The following PSPH variants were observed in gnomAD, a reference collection of about 807,000 sequenced individuals.
PSPH encodes L-3-phosphoserine phosphatase.
A neutral mutation model predicts 23.4 loss-of-function variants in PSPH; 16 were observed. The observed-to-expected ratio is 0.68, with a 90% CI of 0.46 to 1.04. PSPH has a LOEUF of 1.04. Among genes scored for constraint, PSPH ranks in the 50% least tolerant of loss-of-function variants. The pLI is 0.00. For missense variants in PSPH, 223 were observed against 273.7 expected, an observed-to-expected ratio of 0.81 and a Z score of 1.31; for synonymous variants, 68 against 99.7, an observed-to-expected ratio of 0.68 and a Z score of 1.89.
intron 1 of PSPH, among the ~76,000 whole-genome samples, chr7:56,039,122 C>CG (rs1792136662): frequency 7.0e-6 from 1 of 142,804 alleles, no homozygotes; most frequent in Non-Finnish European, 1.5e-5. Flanking sequence ...CATACCCGCC[C>CG]GGGAAACAAG....
In PSPH at chr7:56,015,071, T is replaced by C. The variant is rs1199123097; in HGVS notation, c.522A>G (p.Ile174Met). The change falls in exon 7 of 8, where the codon ATA becomes ATG. Residue 174 changes from isoleucine (I) to methionine (M), a missense_variant. By Grantham distance (10) the Ile-to-Met change is conservative. Transcript: ENST00000275605. ...LLKEKFHFKKIIMIGDGATDM... is the reference protein window; with the variant it reads ...LLKEKFHFKKMIMIGDGATDM... The stretch of plus-strand genomic sequence containing the variant: ...CTGTGGCACCATCTCCAATCATGAT[T>C]ATTTTCTTAAAATGAAATTTTTCCT... The C allele has an allele frequency of 2.5e-6, 4 of 1,614,154 alleles. No homozygotes were observed.
rs1034856827 is a variant in PSPH, at chr7:56,011,926, T to A, written c.571-57A>T. The A allele has an allele frequency of 3.6e-6, 5 of 1,397,494 alleles. No individual in the cohort carries two copies. The African/African-American group carries it at 7.2e-5, about 20-fold the overall frequency. The allele number at this position is 1,397,494 out of a possible 1,614,324, so 86.6% of individuals were successfully genotyped here. On this transcript the variant is annotated intron_variant, in intron 7 of 7. Transcript: ENST00000275605. ...TTTATTTTTATTTATTTATTTATTT[T>A]TTGGAGTCTCGCTCTGTCACCCAGG...
rs767739650 is a variant in PSPH, at chr7:56,017,333, T to C, written c.322A>G (p.Ile108Val). Residue 108 changes from isoleucine to valine, a missense_variant, in exon 6 of 8, where the codon ATA (isoleucine) becomes GTA (valine). Coordinates refer to ENST00000275605, the MANE Select transcript of PSPH (RefSeq NM_004577.4). ...ACAATACTCCTAAAGCCACCAGATA[T>C]TAGGAAAACCTGAACATTTCGCTCC... ...LQERNVQVFL[I>V]SGGFRSIVEH... The C allele has an allele frequency of 1.2e-6, 2 of 1,613,618 alleles. No homozygotes were observed. The highest frequency in any genetic ancestry group is 2.2e-5 in the East Asian group (1 of 44,848).
chr7:56,029,540 C>T (rs913743611), intron 3 of PSPH, among the ~76,000 whole-genome samples: 4 of 150,890 alleles, frequency 2.7e-5, no homozygotes, highest in African/African-American at 9.7e-5. Flanking sequence ...CCTTCTCATC[C>T]CTAGTTCCAA....
intron 1 of PSPH, among the ~76,000 whole-genome samples, chr7:56,041,243 C>T (rs1318132655): frequency 1.4e-5 from 2 of 143,630 alleles, no homozygotes; most frequent in East Asian, 2.1e-4. Flanking sequence ...GACAGAATCT[C>T]GCTCTGTGGC....
chr7:56,031,219 A>C (rs1790953853), intron 3 of PSPH, among the ~76,000 whole-genome samples: 1 of 146,104 alleles, frequency 6.8e-6, no homozygotes, highest in East Asian at 2.0e-4. Flanking sequence ...CTCCGTCTCA[A>C]AAAAAAAAAA....
chr7:56,020,067 A>G (rs977882257), intron 4 of PSPH, among the ~76,000 whole-genome samples: 1 of 152,066 alleles, frequency 6.6e-6, no homozygotes, highest in Admixed American at 6.6e-5. Flanking sequence ...AAAAATGCAA[A>G]AATTAGCCAG....
intron 7 of PSPH, among the ~76,000 whole-genome samples, chr7:56,014,741 C>T (rs561734871): frequency 1.3e-5 from 2 of 152,084 alleles, no homozygotes; most frequent in African/African-American, 2.4e-5. Flanking sequence ...GTCAGGAGTT[C>T]GAGACCAGCA....
rs1207095140 is a variant in PSPH, at chr7:56,011,701, T to C, written c.*61A>G. On this transcript the variant is annotated 3_prime_UTR_variant, in exon 8 of 8. Coordinates refer to ENST00000275605, the MANE Select transcript of PSPH (RefSeq NM_004577.4). ...AATAGGCAACTGTAAGCAAACAGTA[T>C]CAATCTGTATAACTTGTAAAAATTC... is the stretch of plus-strand genomic sequence containing the variant. 3.7e-6 allele frequency: 5 copies of C among 1,348,004 alleles called. No homozygotes were observed. The highest frequency in any genetic ancestry group is 5.3e-6 in the Non-Finnish European group (5 of 939,052). 83.5% of individuals were successfully genotyped at this position (1,348,004 alleles called of 1,614,324 possible).
At position 56,011,589 on chromosome 7, in the gene PSPH, TAA is replaced by T. The variant is rs71015155; in HGVS notation, c.*171_*172del. ...CATCATATAATACTGGAACTACAGT[TAA>T]AAAAAAAAAAAAAGCAATCTTCTAG... On this transcript the variant is annotated 3_prime_UTR_variant, in exon 8 of 8. Transcript: ENST00000275605. 29,983 of 459,088 alleles carry T rather than the reference TAA, an allele frequency of 0.065. No homozygotes were observed. Among genetic ancestry groups the T allele is most frequent in the South Asian group, 0.079 (2,923 of 36,912 alleles). 28.4% of individuals were successfully genotyped at this position (459,088 alleles called of 1,614,324 possible).
intron 1 of PSPH, among the ~76,000 whole-genome samples, chr7:56,048,417 C>G (rs192067535): frequency 6.6e-6 from 1 of 151,972 alleles, no homozygotes; most frequent in Admixed American, 6.6e-5. Flanking sequence ...CAGAACTGTT[C>G]CAGACTGAAG....
intron 1 of PSPH, among the ~76,000 whole-genome samples, chr7:56,049,548 C>G (rs1298171342): frequency 1.3e-5 from 2 of 151,896 alleles, no homozygotes; most frequent in African/African-American, 2.4e-5. Context: ...AAGTGATTCT[C>G]CCGCCTCAGC....
In PSPH at chr7:56,040,482, C is replaced by T. The variant is rs532233865; in HGVS notation, c.-291-6376G>A. 7.2e-5 allele frequency among the ~76,000 whole-genome samples: 11 copies of T among 152,160 alleles called. No homozygotes were observed. In the South Asian group the frequency reaches 2.3e-3, roughly 32 times the overall value. On this transcript the variant is annotated intron_variant, in intron 1 of 7. Transcript: ENST00000275605. The stretch of plus-strand genomic sequence containing the variant: ...AATCTCAACACACTACAATCTCTGC[C>T]TTCTGGGTTCAAGCGATGGGATTTT...
At chr7:56,037,706 A>ATTTTTTTT (rs71015167) in intron 1 of PSPH, among the ~76,000 whole-genome samples, 5 of 115,320 alleles carry the variant, frequency 4.3e-5, no homozygotes, top group African/African-American at 6.5e-5. Context: ...AAGCTAACAA[A>ATTTTTTTT]TTTTTTTTTT....
intron 1 of PSPH, among the ~76,000 whole-genome samples, chr7:56,050,770 C>T (rs892687854): frequency 2.0e-5 from 3 of 152,110 alleles, no homozygotes; most frequent in Admixed American, 1.3e-4. Context: ...TCATAGAGTA[C>T]CCAGGGGTAA....
chr7:56,011,918 A>G lies in PSPH; in HGVS notation c.571-49T>C, dbSNP rs1249036242. The G allele has an allele frequency of 2.7e-6, 4 of 1,472,330 alleles. No individual in the cohort carries two copies. The Admixed American group carries it at 5.3e-5, about 19-fold the overall frequency. 91.2% of individuals were successfully genotyped at this position (1,472,330 alleles called of 1,614,324 possible). On this transcript the variant is annotated intron_variant, in intron 7 of 7. Coordinates refer to ENST00000275605, the MANE Select transcript of PSPH (RefSeq NM_004577.4). ...AAATGATTTTTATTTTTATTTATTT[A>G]TTTATTTTTTGGAGTCTCGCTCTGT...
chr7:56,046,449 T>C (rs1793258228), intron 1 of PSPH, among the ~76,000 whole-genome samples: 1 of 152,148 alleles, frequency 6.6e-6, no homozygotes, highest in African/African-American at 2.4e-5. Flanking sequence ...TAGGCTGGTC[T>C]TGAACTCCTG....
At chr7:56,048,689 C>A (rs183953016) in intron 1 of PSPH, among the ~76,000 whole-genome samples, 3 of 152,024 alleles carry the variant, frequency 2.0e-5, no homozygotes, top group Admixed American at 6.6e-5. Context: ...ACTGGGAGTG[C>A]AGTGCTGTGA....
chr7:56,045,582 G>A (rs943651424), intron 1 of PSPH, among the ~76,000 whole-genome samples: 2 of 151,978 alleles, frequency 1.3e-5, no homozygotes, highest in Non-Finnish European at 2.9e-5. Context: ...TTTTATGGAT[G>A]TGGCCTAAGA....
Sources: gnomAD v4.1 joint callset for allele counts (sites outside exome capture counted in the v4.1 genomes callset) on GRCh38, gnomAD v4.1.1 for gene constraint, MANE v1.5 for transcripts, NCBI Gene and HGNC (gene_info 2026-07-23, HGNC 2026-07-21) for gene names.